Variants in SPATA33 observed in about 807,000 individuals in gnomAD.
SPATA33 encodes the protein spermatogenesis associated 33.
A neutral mutation model predicts 8.9 loss-of-function variants in SPATA33; 10 were observed. The observed-to-expected ratio is 1.12, with a 90% CI of 0.69 to 1.90. The LOEUF is 1.90. Among genes scored for constraint, SPATA33 ranks in the 40% most tolerant of loss-of-function variants. The probability of loss-of-function intolerance (pLI) is 0.00; values close to 1 mark genes in which losing one functional copy is unlikely to be tolerated. For synonymous variants in SPATA33, 96 were observed against 72.8 expected, an observed-to-expected ratio of 1.32 and a Z score of -1.63; for missense variants, 241 against 178.3, an observed-to-expected ratio of 1.35 and a Z score of -2.00.
intron 1 of SPATA33, 75 bp from the exon 2 acceptor site, chr16:89,658,173 G>T (rs180983213): frequency 1.3e-6 from 2 of 1,590,954 alleles, no homozygotes; most frequent in Admixed American, 3.4e-5. Context: ...ACCCACGCAG[G>T]CGACTGAAGA....
chr16:89,658,100 G>T, intron 1 of SPATA33, 148 bp from the exon 2 acceptor site: 1 of 1,489,358 alleles, frequency 6.7e-7, no homozygotes, highest in Non-Finnish European at 8.9e-7. Context: ...CGGACGGCGC[G>T]TTTCCCGCCT....
At position 89,664,725 on chromosome 16, in the gene SPATA33, G is replaced by A. The variant is rs147797351; in HGVS notation, c.212-4561G>A. Reference sequence around the variant, plus strand: ...AGTGTCAGAGGCTTTTTAGGGCAGCGAGAAAACGGGAACTTCATTCCTTGA... The same window carrying A: ...AGTGTCAGAGGCTTTTTAGGGCAGCAAGAAAACGGGAACTTCATTCCTTGA... On this transcript the variant is annotated intron_variant, in intron 2 of 2. Transcript: ENST00000579310. Among the ~76,000 whole-genome samples the A allele has an allele frequency of 2.7e-4, 41 of 152,302 alleles. No individual in the cohort carries two copies. The East Asian group carries it at 4.6e-3, about 17-fold the overall frequency.
chr16:89,663,909 A>G (rs546069591), intron 2 of SPATA33, among the ~76,000 whole-genome samples: 4 of 152,342 alleles, frequency 2.6e-5, no homozygotes, highest in Admixed American at 6.5e-5. Context: ...ACTTGAGCCC[A>G]GAAGTTCAAG....
At chr16:89,660,991 G>A (rs2059959090) in intron 2 of SPATA33, 10 of 996,000 alleles carry the variant, frequency 1.0e-5, no homozygotes, top group Non-Finnish European at 1.2e-5. Flanking sequence ...GTACGTCTCA[G>A]TGAGTCTTCA....
At chr16:89,661,037 C>G in intron 2 of SPATA33, 1 of 988,788 alleles carries the variant, frequency 1.0e-6, no homozygotes, top group Non-Finnish European at 1.2e-6. Context: ...ACACGTGATA[C>G]CTGTCCTGCC....
chr16:89,667,429 A>G (rs1227445747), intron 2 of SPATA33, among the ~76,000 whole-genome samples: 2 of 152,202 alleles, frequency 1.3e-5, no homozygotes. Flanking sequence ...TGTGATCTAG[A>G]TCTAGTATAA....
chr16:89,658,100 G>A lies in SPATA33; in HGVS notation c.38-148G>A, dbSNP rs867655591. ...CCGCCGAGTCCGCCACGGACGGCGCGTTTCCCGCCTGAGGCGGTTACGGAA... is the reference window on the plus strand; with the variant it reads ...CCGCCGAGTCCGCCACGGACGGCGCATTTCCCGCCTGAGGCGGTTACGGAA... On this transcript the variant is annotated intron_variant, in intron 1 of 2. Coordinates refer to ENST00000579310, the MANE Select transcript of SPATA33 (RefSeq NM_001271907.2). The A allele has an allele frequency of 3.8e-5, 56 of 1,489,252 alleles. No individual in the cohort carries two copies. The Middle Eastern group carries it at 1.2e-3, about 33-fold the overall frequency. The allele number at this position is 1,489,252 out of a possible 1,614,324, so 92.3% of individuals were successfully genotyped here.
Position 89,657,836 on chromosome 16 carries a change from G to C in SPATA33, c.-76G>C. On this transcript the variant is annotated 5_prime_UTR_variant, in exon 1 of 3. Transcript: ENST00000579310. ...CACGCCGCTGGCGCGAGGACCTTTT[G>C]TGAGTCGCTCCCGGCTCCGCGGCCG... 3 of 1,512,144 alleles carry C rather than the reference G, an allele frequency of 2.0e-6. No individual in the cohort carries two copies. The highest frequency in any genetic ancestry group is 2.6e-6 in the Non-Finnish European group (3 of 1,135,976). The allele number at this position is 1,512,144 out of a possible 1,614,324, so 93.7% of individuals were successfully genotyped here.
intron 2 of SPATA33, chr16:89,661,212 G>A: frequency 1.0e-6 from 1 of 985,422 alleles, no homozygotes; most frequent in Non-Finnish European, 1.2e-6. Context: ...GGATATTGAT[G>A]TGGCTTGGCT....
At chr16:89,660,305 T>G in intron 2 of SPATA33, 1 of 424,516 alleles carries the variant, frequency 2.4e-6, no homozygotes, top group Non-Finnish European at 4.0e-6. Context: ...TCTGCAGGAC[T>G]CATTCAATGG....
chr16:89,660,643 C>T (rs1214475987), intron 2 of SPATA33: 5 of 982,958 alleles, frequency 5.1e-6, no homozygotes, highest in African/African-American at 3.4e-5. Context: ...GAGGAAAGAC[C>T]ACTCATGTTG....
intron 2 of SPATA33, among the ~76,000 whole-genome samples, chr16:89,667,750 A>C (rs1443507171): frequency 6.6e-6 from 1 of 152,266 alleles, no homozygotes; most frequent in Non-Finnish European, 1.5e-5. Context: ...GTAACGCAGC[A>C]CTGCAGGCAG....
At chr16:89,663,765 C>G (rs1461830940) in intron 2 of SPATA33, among the ~76,000 whole-genome samples, 2 of 152,070 alleles carry the variant, frequency 1.3e-5, no homozygotes, top group Non-Finnish European at 2.9e-5. Context: ...GCTGTACATA[C>G]ACTCATAGTA....
chr16:89,658,396 C>G lies in SPATA33; in HGVS notation c.186C>G (p.His62Gln). 1 of 1,611,176 alleles carries G rather than the reference C, an allele frequency of 6.2e-7. No homozygotes were observed. The highest frequency in any genetic ancestry group is 1.1e-5 in the South Asian group (1 of 90,926). ...ACCCGGGGGCCGGGACAGCCAAGCA[C>G]CCGCCGCCGGCAGCTTCGCTGGAAG... ...SLHPGAGTAKHPPPAASLEEK... is the reference protein window; with the variant it reads ...SLHPGAGTAKQPPPAASLEEK... Residue 62 changes from histidine to glutamine, a missense_variant, in exon 2 of 3, where the codon CAC becomes CAG. Physicochemically the swap from His to Gln is conservative, Grantham distance 24. Transcript: ENST00000579310.
chr16:89,661,134 T>C, intron 2 of SPATA33: 1 of 985,428 alleles, frequency 1.0e-6, no homozygotes, highest in Non-Finnish European at 1.2e-6. Flanking sequence ...GAAGCAGTAG[T>C]GAGAAGAACA....
rs185071653 is a variant in SPATA33 at position 89,662,346 on chromosome 16, A to T, written c.211+3925A>T. Among the ~76,000 whole-genome samples the T allele has an allele frequency of 5.9e-5, 9 of 152,082 alleles. No individual in the cohort carries two copies. In the East Asian group the frequency reaches 1.5e-3, roughly 26 times the overall value. Reference sequence around the variant, plus strand: ...AACGAAGAAAGAACAAGATAACAAAATACTGATTGAAGCTGAGTGCTCTAT... The same window carrying T: ...AACGAAGAAAGAACAAGATAACAAATTACTGATTGAAGCTGAGTGCTCTAT... On this transcript the variant is annotated intron_variant, in intron 2 of 2. Transcript: ENST00000579310.
intron 1 of SPATA33, 76 bp downstream of exon 1, chr16:89,658,024 G>T (rs757822051): frequency 6.8e-7 from 1 of 1,473,778 alleles, no homozygotes; most frequent in South Asian, 1.3e-5. Flanking sequence ...TGGGCTGGGC[G>T]GGGCGGTGTG....
chr16:89,658,516 A>G, intron 2 of SPATA33, 95 bp downstream of exon 2: 1 of 1,454,386 alleles, frequency 6.9e-7, no homozygotes. Flanking sequence ...CCGGATGGAC[A>G]CTAGTAGCAG....
chr16:89,657,820 G>A (rs1477604207), upstream of SPATA33: 6 of 1,507,676 alleles, frequency 4.0e-6, no homozygotes, highest in Admixed American at 4.5e-5. Context: ...GCACGCCGCT[G>A]GCGCGAGGAC....
Sources: gnomAD v4.1 joint callset for allele counts (sites outside exome capture counted in the v4.1 genomes callset) on GRCh38, gnomAD v4.1.1 for gene constraint, MANE v1.5 for transcripts, NCBI Gene and HGNC (gene_info 2026-07-23, HGNC 2026-07-21) for gene names.